The following USP12 variants were observed in gnomAD, a reference collection of about 807,000 sequenced individuals.
USP12 encodes the protein ubiquitin carboxyl-terminal hydrolase 12.
USP12 carries 19 observed loss-of-function variants against 45.5 expected under a neutral mutation model. The ratio of observed to expected loss-of-function variants is 0.42; its 90% confidence interval spans 0.29 to 0.61. USP12 has a LOEUF of 0.61. Among genes scored for constraint, USP12 ranks in the 20% least tolerant of loss-of-function variants. USP12 has a pLI of 0.22. For missense variants in USP12, 242 were observed against 447.7 expected, an observed-to-expected ratio of 0.54 and a Z score of 4.15; for synonymous variants, 149 against 148.8, an observed-to-expected ratio of 1.00 and a Z score of -0.01.
chr13:27,150,651 AG>A (rs1456116390), intron 1 of USP12, among the ~76,000 whole-genome samples: 1 of 152,216 alleles, frequency 6.6e-6, no homozygotes, highest in African/African-American at 2.4e-5. Flanking sequence ...TGAGTCCAGG[AG>A]AACGAGACTG....
At chr13:27,109,193 T>C (rs1461012305) in intron 2 of USP12, among the ~76,000 whole-genome samples, 1 of 152,174 alleles carries the variant, frequency 6.6e-6, no homozygotes, top group East Asian at 1.9e-4. Context: ...GATTAAGCAA[T>C]AATTATCAAT....
At chr13:27,072,821 G>A (rs1485219260) in intron 7 of USP12, among the ~76,000 whole-genome samples, 2 of 152,060 alleles carry the variant, frequency 1.3e-5, no homozygotes, top group Non-Finnish European at 2.9e-5. Flanking sequence ...GGACAGAGAA[G>A]GAGCAAGCTG....
At chr13:27,122,384 C>T (rs1876033437) in intron 1 of USP12, among the ~76,000 whole-genome samples, 1 of 152,196 alleles carries the variant, frequency 6.6e-6, no homozygotes, top group Admixed American at 6.5e-5. Context: ...TGAGCCCTCC[C>T]CAGCCATGTG....
In USP12 at chr13:27,068,949, C is replaced by T. The variant is rs965867013; in HGVS notation, c.*334G>A. The T allele has an allele frequency of 9.2e-6, 3 of 325,864 alleles. No homozygotes were observed. The highest frequency in any genetic ancestry group is 2.2e-5 in the African/African-American group (1 of 46,256). The allele number at this position is 325,864 out of a possible 1,614,324, so 20.2% of individuals were successfully genotyped here. A position where few individuals can be genotyped will look rare whatever the true frequency, so the allele number is the denominator to read the frequency against. On this transcript the variant is annotated 3_prime_UTR_variant, in exon 9 of 9. Transcript: ENST00000282344. The stretch of plus-strand genomic sequence containing the variant: ...ACAGATTCCGATTCTTTCTACTGCA[C>T]CCCCAAGGAATTCAAAGCATTATTG...
intron 1 of USP12, among the ~76,000 whole-genome samples, chr13:27,118,299 T>G (rs1875837108): frequency 6.6e-6 from 1 of 152,126 alleles, no homozygotes; most frequent in Non-Finnish European, 1.5e-5. Flanking sequence ...AACAAGACGT[T>G]TCTTCTATTA....
At chr13:27,122,331 C>A (rs1176032315) in intron 1 of USP12, among the ~76,000 whole-genome samples, 1 of 152,094 alleles carries the variant, frequency 6.6e-6, no homozygotes, top group Non-Finnish European at 1.5e-5. Context: ...CTTTCTCTTG[C>A]CACCGCCCTG....
At chr13:27,092,237 A>G (rs922125971) in intron 4 of USP12, among the ~76,000 whole-genome samples, 2 of 152,238 alleles carry the variant, frequency 1.3e-5, no homozygotes, top group African/African-American at 4.8e-5. Flanking sequence ...ATAAGGGGAG[A>G]CAGTGCATGT....
intron 6 of USP12, among the ~76,000 whole-genome samples, chr13:27,083,078 G>C (rs1873838257): frequency 6.6e-6 from 1 of 152,100 alleles, no homozygotes; most frequent in Non-Finnish European, 1.5e-5. Flanking sequence ...CAGGTGATCT[G>C]CCCACCTTGG....
At chr13:27,107,220 G>A (rs910819468) in intron 2 of USP12, among the ~76,000 whole-genome samples, 1 of 152,150 alleles carries the variant, frequency 6.6e-6, no homozygotes, top group Admixed American at 6.5e-5. Flanking sequence ...AACTACTCAG[G>A]AGGCTGAGGT....
intron 1 of USP12, among the ~76,000 whole-genome samples, chr13:27,149,205 C>A (rs907985828): frequency 2.6e-5 from 4 of 151,770 alleles, no homozygotes; most frequent in African/African-American, 9.7e-5. Context: ...GATTGATTTA[C>A]GGAATTAATA....
intron 1 of USP12, among the ~76,000 whole-genome samples, chr13:27,127,137 G>A (rs913948298): frequency 6.6e-6 from 1 of 152,160 alleles, no homozygotes; most frequent in Non-Finnish European, 1.5e-5. Context: ...CTTTTGATCT[G>A]TAAATGTTCA....
rs1875489255 is a variant in USP12 at position 27,112,302 on chromosome 13, T to C, written c.129+4214A>G. On this transcript the variant is annotated intron_variant, in intron 2 of 8. Coordinates refer to ENST00000282344, the MANE Select transcript of USP12 (RefSeq NM_182488.4). Reference sequence around the variant, plus strand: ...TTCATAGCTACTTTTTTTTTTTTTTTCCTGAGACAGTGTCTTACTGTCACC... The same window carrying C: ...TTCATAGCTACTTTTTTTTTTTTTTCCCTGAGACAGTGTCTTACTGTCACC... Among the ~76,000 whole-genome samples the C allele has an allele frequency of 1.3e-5, 2 of 151,502 alleles. 1 individual carries two copies. Among genetic ancestry groups the C allele is most frequent in the African/African-American group, 4.9e-5 (2 of 41,118 alleles).
chr13:27,088,149 A>G lies in USP12; in HGVS notation c.734+1734T>C, dbSNP rs893169273. Among the ~76,000 whole-genome samples, 12 of 152,312 alleles carry G rather than the reference A, an allele frequency of 7.9e-5. No individual in the cohort carries two copies. The East Asian group carries it at 9.7e-4, about 12-fold the overall frequency. On this transcript the variant is annotated intron_variant, in intron 6 of 8. Transcript: ENST00000282344. Reference sequence around the variant, plus strand: ...GAAAGGCCTGCTTGCGGCCGGGCGCAGTGGCTCACGCCTGTAATCCCAGCT... The same window carrying G: ...GAAAGGCCTGCTTGCGGCCGGGCGCGGTGGCTCACGCCTGTAATCCCAGCT...
At chr13:27,110,939 ATAT>A (rs1875411141) in intron 2 of USP12, among the ~76,000 whole-genome samples, 1 of 152,188 alleles carries the variant, frequency 6.6e-6, no homozygotes, top group African/African-American at 2.4e-5. Flanking sequence ...TATACCAGAA[ATAT>A]TATGATAATG....
At chr13:27,137,371 AATG>A (rs936177997) in intron 1 of USP12, among the ~76,000 whole-genome samples, 1 of 152,190 alleles carries the variant, frequency 6.6e-6, no homozygotes, top group African/African-American at 2.4e-5. Flanking sequence ...CTCAGTTATC[AATG>A]ATCTATTAAG....
chr13:27,087,594 A>G lies in USP12; in HGVS notation c.734+2289T>C, dbSNP rs187157610. On this transcript the variant is annotated intron_variant, in intron 6 of 8. Coordinates refer to ENST00000282344, the MANE Select transcript of USP12 (RefSeq NM_182488.4). ...TGCTCACTAAGCGGGCTCAGGAACAATGACATCCCAATAGCAACGAGCACA... is the reference window on the plus strand; with the variant it reads ...TGCTCACTAAGCGGGCTCAGGAACAGTGACATCCCAATAGCAACGAGCACA... Among the ~76,000 whole-genome samples the G allele has an allele frequency of 1.1e-3, 169 of 152,336 alleles. No homozygotes were observed. The Middle Eastern group carries it at 0.014, about 12-fold the overall frequency.
At chr13:27,146,118 A>T (rs1168981764) in intron 1 of USP12, among the ~76,000 whole-genome samples, 2 of 152,124 alleles carry the variant, frequency 1.3e-5, no homozygotes, top group Non-Finnish European at 2.9e-5. Context: ...AAAAGTACCT[A>T]TGTAACTAGG....
intron 6 of USP12, among the ~76,000 whole-genome samples, chr13:27,080,370 G>C (rs1873694082): frequency 6.6e-6 from 1 of 152,164 alleles, no homozygotes; most frequent in African/African-American, 2.4e-5. Context: ...ATCTAGTTAG[G>C]AAAATGAAGC....
At chr13:27,104,225 C>G (rs541266395) in intron 3 of USP12, among the ~76,000 whole-genome samples, 1 of 152,228 alleles carries the variant, frequency 6.6e-6, no homozygotes, top group South Asian at 2.1e-4. Context: ...GAGACAAGGT[C>G]TTGCTTTGCT....
Sources: gnomAD v4.1 joint callset for allele counts (sites outside exome capture counted in the v4.1 genomes callset) on GRCh38, gnomAD v4.1.1 for gene constraint, MANE v1.5 for transcripts, NCBI Gene and HGNC (gene_info 2026-07-23, HGNC 2026-07-21) for gene names.